PKHD1: variants seen among roughly 807,000 people sequenced by gnomAD.
The protein encoded by PKHD1 is fibrocystin.
Under a neutral mutation model 412.0 loss-of-function variants are expected in PKHD1, and 291 were observed. The observed-to-expected ratio is 0.71, with a 90% CI of 0.64 to 0.78. The LOEUF is 0.78. Among genes scored for constraint, PKHD1 ranks in the 30% least tolerant of loss-of-function variants. The pLI is 0.00. For missense variants in PKHD1, 4,825 were observed against 4,950.7 expected (o/e 0.97, Z 0.76); for synonymous variants, 1,777 against 1,821.5 (o/e 0.98, Z 0.62).
chr6:51,914,078 C>G (rs896388419), intron 37 of PKHD1, among the ~76,000 whole-genome samples: 1 of 151,902 alleles, frequency 6.6e-6, no homozygotes, highest in African/African-American at 2.4e-5. Flanking sequence ...AATGTTTATC[C>G]AAGACAAAAT....
chr6:51,662,975 C>T (rs375219079), intron 60 of PKHD1, among the ~76,000 whole-genome samples: 47 of 152,006 alleles, frequency 3.1e-4, no homozygotes, highest in African/African-American at 1.1e-3. Context: ...TTAACCTTCA[C>T]ATTGTGTTTT....
chr6:52,033,743 A>T (rs1175928618), intron 28 of PKHD1, among the ~76,000 whole-genome samples: 3 of 152,304 alleles, frequency 2.0e-5, no homozygotes, highest in African/African-American at 7.2e-5. Context: ...TAAGCAGGCT[A>T]GATTGAAACA....
chr6:52,010,540 A>C lies in PKHD1; in HGVS notation c.5601-81T>G, dbSNP rs1211071857. 2.4e-6 allele frequency: 3 copies of C among 1,230,334 alleles called. No homozygotes were observed. The African/African-American group carries it at 4.4e-5, about 18-fold the overall frequency. The allele number at this position is 1,230,334 out of a possible 1,614,324, so 76.2% of individuals were successfully genotyped here. A position where few individuals can be genotyped will look rare whatever the true frequency, so the allele number is the denominator to read the frequency against. Reference sequence around the variant, plus strand: ...ATTTTTACTCTTATTAATCATTGCAAGCCATTAGCTTGTGGCAACTACAGG... The same window carrying C: ...ATTTTTACTCTTATTAATCATTGCACGCCATTAGCTTGTGGCAACTACAGG... On this transcript the variant is annotated intron_variant, in intron 34 of 66. Coordinates refer to ENST00000371117, the MANE Select transcript of PKHD1 (RefSeq NM_138694.4).
chr6:52,017,370 C>G (rs1472930649), intron 34 of PKHD1, 40 bp downstream of exon 34: 1 of 1,407,814 alleles, frequency 7.1e-7, no homozygotes, highest in Non-Finnish European at 1.0e-6. Context: ...ATTGGCCAAG[C>G]ATTTGTGGGG....
At chr6:51,709,708 A>G (rs1582208071) in intron 60 of PKHD1, among the ~76,000 whole-genome samples, 1 of 152,364 alleles carries the variant, frequency 6.6e-6, no homozygotes, top group East Asian at 1.9e-4. Flanking sequence ...ATGATTTTTA[A>G]CATGGTCATT....
At position 51,959,855 on chromosome 6, in the gene PKHD1, A is replaced by G. The variant is rs766328495; in HGVS notation, c.5908+15T>C. 7 of 1,609,696 alleles carry G rather than the reference A, an allele frequency of 4.3e-6. No homozygotes were observed. In the South Asian group the frequency reaches 7.7e-5, roughly 18 times the overall value. Reference sequence around the variant, plus strand: ...TCATATAGAATAATATTACCAACCTACAAACTTCACACACCTTTAATGTGC... The same window carrying G: ...TCATATAGAATAATATTACCAACCTGCAAACTTCACACACCTTTAATGTGC... On this transcript the variant is annotated intron_variant, in intron 36 of 66. Transcript: ENST00000371117.
Position 52,076,289 on chromosome 6 carries a change from T to C in PKHD1, c.435A>G (p.Pro145=), listed in dbSNP as rs1385777368. The C allele has an allele frequency of 6.2e-7, 1 of 1,610,896 alleles. No homozygotes were observed. Among genetic ancestry groups the C allele is most frequent in the Non-Finnish European group, 8.5e-7 (1 of 1,177,088 alleles). The change falls in exon 6 of 67, where the codon CCA becomes CCG. Residue 145 remains proline (P), a synonymous_variant. Transcript: ENST00000371117. ...AAGATTTCTTACCTGGAACACCACT[T>C]GGTGGATAAACTTGGTGAACGATGG... The part of the protein sequence containing the change: ...QTPIVHQVYP[P]SGVPGKLIHV...
chr6:51,683,350 T>C (rs1776957076), intron 60 of PKHD1, among the ~76,000 whole-genome samples: 1 of 152,052 alleles, frequency 6.6e-6, no homozygotes, highest in African/African-American at 2.4e-5. Flanking sequence ...GGAGACAGAA[T>C]GGCTTACTTA....
chr6:51,874,784 T>TGGTGGCAGGTG (rs1562513900), intron 46 of PKHD1, among the ~76,000 whole-genome samples: 995 of 70,302 alleles, frequency 0.014, 54 homozygotes, highest in East Asian at 0.087. Flanking sequence ...AAAAATGAGC[T>TGGTGGCAGGTG]CCGGTCTACA....
At chr6:51,744,311 T>G (rs1784927208) in intron 60 of PKHD1, 74 bp downstream of exon 60, 8 of 1,300,820 alleles carry the variant, frequency 6.1e-6, no homozygotes, top group South Asian at 1.2e-5. Context: ...TCATTCTCAG[T>G]GAGCACAGCA....
chr6:51,771,520 G>A (rs564279241), intron 55 of PKHD1, among the ~76,000 whole-genome samples: 3 of 151,872 alleles, frequency 2.0e-5, no homozygotes, highest in South Asian at 2.1e-4. Flanking sequence ...TTGGGAGGCT[G>A]AGACAGGAAA....
chr6:51,668,634 G>C (rs1382831700), intron 60 of PKHD1, among the ~76,000 whole-genome samples: 1 of 152,196 alleles, frequency 6.6e-6, no homozygotes, highest in African/African-American at 2.4e-5. Flanking sequence ...AGTTTTCAAA[G>C]GGAATGCTTC....
chr6:52,064,722 G>A lies in PKHD1; in HGVS notation c.976+233C>T, dbSNP rs147793998. ...TTCTAGACCATGGTCTCTTCTGGAC[G>A]CCACTGGCCATACAGCTGGCTGGAG... On this transcript the variant is annotated intron_variant, in intron 13 of 66. Coordinates refer to ENST00000371117, the MANE Select transcript of PKHD1 (RefSeq NM_138694.4). Among the ~76,000 whole-genome samples the A allele has an allele frequency of 5.0e-3, 751 of 151,578 alleles. 1 individual carries two copies. The highest frequency in any genetic ancestry group is 8.3e-3 in the Non-Finnish European group (562 of 67,930).
chr6:51,742,367 T>C (rs1784659074), intron 60 of PKHD1, among the ~76,000 whole-genome samples: 1 of 152,074 alleles, frequency 6.6e-6, no homozygotes, highest in South Asian at 2.1e-4. Flanking sequence ...AAAATAAATG[T>C]TAAAAAGTAT....
rs778755997 is a variant in PKHD1, at chr6:52,069,466, T to A, written c.769A>T (p.Thr257Ser). 6.2e-7 allele frequency: 1 copy of A among 1,611,004 alleles called. No individual in the cohort carries two copies. Residue 257 changes from threonine (T) to serine (S), a missense_variant, in exon 11 of 67, where the codon ACA becomes TCA. Physicochemically the swap from Thr to Ser is moderately conservative, Grantham distance 58. Transcript: ENST00000371117. ...SAKQDLFLYQ[T>S]HSEILSVFPE... ...TGAAGGGGGATAGTACCTGAGTGTG[T>A]CTGGTATAGGAAAAGATCCTGTTTA...
chr6:52,025,674 G>C lies in PKHD1; in HGVS notation c.4136C>G (p.Ser1379Cys), dbSNP rs1802047156. Residue 1379 changes from serine (S) to cysteine (C), a missense_variant, in exon 32 of 67, where the codon TCT (serine) becomes TGT (cysteine). Physicochemically the swap from Ser to Cys is moderately radical, Grantham distance 112 (BLOSUM62 -1). Coordinates refer to ENST00000371117, the MANE Select transcript of PKHD1 (RefSeq NM_138694.4). ...RQKQMGFANM[S>C]VVLQQFAVMP... is the part of the protein sequence containing the mutation. ...CACTGCAAATTGCTGGAGCACCACAGACATATTAGCAAATCCCATCTGCTT... is the reference window on the plus strand; with the variant it reads ...CACTGCAAATTGCTGGAGCACCACACACATATTAGCAAATCCCATCTGCTT... 6.2e-7 allele frequency: 1 copy of C among 1,614,064 alleles called. No individual in the cohort carries two copies. The highest frequency in any genetic ancestry group is 1.7e-5 in the Admixed American group (1 of 59,994).
At chr6:52,072,747 G>T (rs1241704714) in intron 7 of PKHD1, among the ~76,000 whole-genome samples, 1 of 152,092 alleles carries the variant, frequency 6.6e-6, no homozygotes, top group African/African-American at 2.4e-5. Context: ...CCAGAGTGAA[G>T]GAAAAATTAG....
intron 48 of PKHD1, among the ~76,000 whole-genome samples, chr6:51,863,579 G>A (rs1774547093): frequency 1.3e-5 from 2 of 152,176 alleles, no homozygotes; most frequent in Non-Finnish European, 2.9e-5. Flanking sequence ...TGATTGAATG[G>A]GGGTAGAGAG....
At chr6:51,641,878 C>T (rs1014480675) in intron 63 of PKHD1, among the ~76,000 whole-genome samples, 1 of 152,036 alleles carries the variant, frequency 6.6e-6, no homozygotes, top group Non-Finnish European at 1.5e-5. Context: ...GGGAACATCA[C>T]ACACTAGGGC....
Sources: gnomAD v4.1 joint callset for allele counts (sites outside exome capture counted in the v4.1 genomes callset) on GRCh38, gnomAD v4.1.1 for gene constraint, MANE v1.5 for transcripts, NCBI Gene and HGNC (gene_info 2026-07-23, HGNC 2026-07-21) for gene names.